Variants in CACNA1C observed in about 807,000 individuals in gnomAD.
CACNA1C encodes the protein voltage-dependent L-type calcium channel subunit alpha-1C.
CACNA1C carries 30 observed loss-of-function variants against 229.0 expected under a neutral mutation model. That is an observed-to-expected ratio of 0.13 (90% CI 0.10 to 0.18). CACNA1C has a LOEUF of 0.18. Among genes scored for constraint, CACNA1C ranks in the 10% least tolerant of loss-of-function variants. CACNA1C has a pLI of 1.00. For missense variants in CACNA1C, 1,658 were observed against 2,845.0 expected (o/e 0.58, Z 9.49); for synonymous variants, 1,114 against 1,132.5 (o/e 0.98, Z 0.33).
chr12:2,264,034 G>A (rs2081348418), intron 3 of CACNA1C, among the ~76,000 whole-genome samples: 1 of 152,232 alleles, frequency 6.6e-6, no homozygotes, highest in South Asian at 2.1e-4. Context: ...ATCCCAAAGA[G>A]CAGCAGAGTA....
At chr12:2,170,961 G>A (rs1208458281) in intron 3 of CACNA1C, among the ~76,000 whole-genome samples, 1 of 152,208 alleles carries the variant, frequency 6.6e-6, no homozygotes, top group Non-Finnish European at 1.5e-5. Flanking sequence ...GGGCTGGTCT[G>A]TCCCTGTGCT....
At chr12:2,369,354 G>A (rs902615266) in intron 3 of CACNA1C, among the ~76,000 whole-genome samples, 3 of 152,010 alleles carry the variant, frequency 2.0e-5, no homozygotes, top group Admixed American at 2.0e-4. Context: ...GGTGGGCGAG[G>A]GCAGGGACTG....
At chr12:2,172,601 A>T (rs979729065) in intron 3 of CACNA1C, among the ~76,000 whole-genome samples, 1 of 152,242 alleles carries the variant, frequency 6.6e-6, no homozygotes, top group South Asian at 2.1e-4. Context: ...AGTTGGGAAG[A>T]TGGCATCCAA....
At chr12:2,418,294 T>C (rs1260604496) in intron 3 of CACNA1C, among the ~76,000 whole-genome samples, 2 of 152,170 alleles carry the variant, frequency 1.3e-5, no homozygotes, top group East Asian at 3.9e-4. Context: ...ACATTTCAGA[T>C]GGCTATAAAT....
chr12:2,187,618 C>T (rs920237304), intron 3 of CACNA1C, among the ~76,000 whole-genome samples: 1 of 152,214 alleles, frequency 6.6e-6, no homozygotes, highest in African/African-American at 2.4e-5. Flanking sequence ...AAGAGACCCA[C>T]CTTTCTGAGT....
intron 3 of CACNA1C, among the ~76,000 whole-genome samples, chr12:2,123,711 T>G (rs982451269): frequency 8.5e-5 from 13 of 152,214 alleles, no homozygotes; most frequent in African/African-American, 3.1e-4. Flanking sequence ...TGACATCTTC[T>G]TCCCCTTGCC....
At chr12:2,505,994 A>C (rs996699378) in intron 8 of CACNA1C, among the ~76,000 whole-genome samples, 6 of 152,160 alleles carry the variant, frequency 3.9e-5, no homozygotes, top group Admixed American at 3.9e-4. Flanking sequence ...CAGTACCTAA[A>C]CTGGGAATCG....
chr12:2,484,286 T>C (rs535523462), intron 5 of CACNA1C, among the ~76,000 whole-genome samples: 2 of 152,256 alleles, frequency 1.3e-5, no homozygotes, highest in South Asian at 4.2e-4. Flanking sequence ...GGGAAAAGCA[T>C]TCCAGGTTGA....
intron 1 of CACNA1C, among the ~76,000 whole-genome samples, chr12:2,096,306 C>A (rs2073938069): frequency 6.6e-6 from 1 of 152,194 alleles, no homozygotes; most frequent in Non-Finnish European, 1.5e-5. Context: ...GACCAGAATT[C>A]TTTGCATCCT....
At chr12:2,510,601 A>G (rs1295468312) in intron 8 of CACNA1C, among the ~76,000 whole-genome samples, 4 of 152,176 alleles carry the variant, frequency 2.6e-5, no homozygotes, top group Admixed American at 6.5e-5. Context: ...GATTGGGCCA[A>G]TTGTCCCTAT....
At chr12:2,056,196 AGTGTGT>A (rs138718348) in intron 1 of CACNA1C, among the ~76,000 whole-genome samples, 18,962 of 145,928 alleles carry the variant, frequency 0.13, 1,382 homozygotes, top group Middle Eastern at 0.19. Flanking sequence ...AGTGTGTGTG[AGTGTGT>A]GTGTGTGTGT....
Position 2,609,103 on chromosome 12 carries a change from C to T in CACNA1C, c.3558+391C>T, listed in dbSNP as rs889255677. 2.0e-5 allele frequency among the ~76,000 whole-genome samples: 3 copies of T among 152,146 alleles called. No individual in the cohort carries two copies. In the East Asian group the frequency reaches 5.8e-4, roughly 29 times the overall value. On this transcript the variant is annotated intron_variant, in intron 27 of 46. Coordinates refer to ENST00000399655, the MANE Select transcript of CACNA1C (RefSeq NM_000719.7). ...AGGGCTTTTGGGGTGGGGAACAGAA[C>T]GGCTTCAGGAAACCACTCTTACATG... is the stretch of plus-strand genomic sequence containing the variant.
intron 3 of CACNA1C, among the ~76,000 whole-genome samples, chr12:2,171,701 AAG>A (rs2096489101): frequency 6.6e-6 from 1 of 152,158 alleles, no homozygotes; most frequent in African/African-American, 2.4e-5. Flanking sequence ...CTATGGCAGG[AAG>A]AGAGGGAAAA....
At chr12:2,004,927 G>GA (rs1463715499) in intron 1 of CACNA1C, among the ~76,000 whole-genome samples, 6 of 150,954 alleles carry the variant, frequency 4.0e-5, no homozygotes, top group Admixed American at 2.0e-4. Context: ...AACCCTTTGG[G>GA]AGTTTCTGAG....
chr12:2,209,043 C>T (rs1407847547), intron 3 of CACNA1C, among the ~76,000 whole-genome samples: 2 of 152,176 alleles, frequency 1.3e-5, no homozygotes, highest in Non-Finnish European at 2.9e-5. Context: ...CGCGCCAGCT[C>T]TCCCGGCCAG....
chr12:2,393,339 C>A (rs936404687), intron 3 of CACNA1C, among the ~76,000 whole-genome samples: 1 of 152,200 alleles, frequency 6.6e-6, no homozygotes, highest in African/African-American at 2.4e-5. Flanking sequence ...TAGGCCTGGA[C>A]CATGGATTCA....
intron 3 of CACNA1C, among the ~76,000 whole-genome samples, chr12:2,129,768 G>A (rs2091643075): frequency 6.6e-6 from 1 of 152,130 alleles, no homozygotes; most frequent in Admixed American, 6.5e-5. Flanking sequence ...CCTGACCTGG[G>A]GAAGATTTGG....
intron 3 of CACNA1C, among the ~76,000 whole-genome samples, chr12:2,261,635 T>C (rs1191036690): frequency 2.0e-5 from 3 of 152,226 alleles, no homozygotes; most frequent in African/African-American, 7.2e-5. Flanking sequence ...TTGCATATGG[T>C]AATCACTGAG....
chr12:2,516,874 T>C (rs1466698590), intron 9 of CACNA1C, among the ~76,000 whole-genome samples: 2 of 152,160 alleles, frequency 1.3e-5, no homozygotes, highest in East Asian at 3.8e-4. Flanking sequence ...CAACAACATA[T>C]AGAAGATACT....
Sources: allele counts gnomAD v4.1 joint callset (sites outside exome capture counted in the v4.1 genomes callset), GRCh38; gene constraint gnomAD v4.1.1; transcripts MANE v1.5; gene names NCBI Gene and HGNC (gene_info 2026-07-23, HGNC 2026-07-21).